EXOC6B: variants seen among roughly 807,000 people sequenced by gnomAD.
The protein encoded by EXOC6B is exocyst complex component 6B, also known as SEC15 homolog B.
Under a neutral mutation model 113.5 loss-of-function variants are expected in EXOC6B, and 54 were observed. The observed-to-expected ratio is 0.48, with a 90% CI of 0.38 to 0.60. The LOEUF is 0.60. EXOC6B is among the 20% of genes least tolerant of loss of function. The pLI is 0.00. For synonymous variants in EXOC6B, 357 were observed against 339.0 expected (o/e 1.05, Z -0.58); for missense variants, 797 against 977.5 (o/e 0.82, Z 2.46).
intron 16 of EXOC6B, 145 bp downstream of exon 16, chr2:72,492,173 C>A: frequency 7.0e-6 from 3 of 429,084 alleles, no homozygotes; most frequent in Non-Finnish European, 1.3e-5. Context: ...AAGAAAAGAA[C>A]AAGAGATTTC....
At chr2:72,715,485 T>A (rs1679555360) in intron 6 of EXOC6B, among the ~76,000 whole-genome samples, 2 of 148,082 alleles carry the variant, frequency 1.4e-5, no homozygotes, top group South Asian at 4.2e-4. Flanking sequence ...TATATAAAAA[T>A]AAAATATATA....
chr2:72,250,693 T>G (rs1427897165), intron 20 of EXOC6B, among the ~76,000 whole-genome samples: 4 of 152,098 alleles, frequency 2.6e-5, no homozygotes, highest in Non-Finnish European at 4.4e-5. Context: ...AAGCAATAAA[T>G]TTACTTGATT....
At chr2:72,254,705 T>C (rs537563163) in intron 20 of EXOC6B, among the ~76,000 whole-genome samples, 2 of 152,302 alleles carry the variant, frequency 1.3e-5, no homozygotes, top group Admixed American at 6.5e-5. Flanking sequence ...GGTAGGAATA[T>C]ACACAAACAT....
intron 6 of EXOC6B, among the ~76,000 whole-genome samples, chr2:72,603,302 T>C (rs983047338): frequency 4.6e-5 from 7 of 152,074 alleles, no homozygotes; most frequent in African/African-American, 9.7e-5. Context: ...TTTTAAAAGA[T>C]GGAAGTACCG....
intron 6 of EXOC6B, among the ~76,000 whole-genome samples, chr2:72,675,131 C>CT (rs1267147446): frequency 1.3e-5 from 2 of 152,182 alleles, no homozygotes; most frequent in African/African-American, 4.8e-5. Context: ...ACACCCAAAA[C>CT]AGTACACTCC....
chr2:72,405,999 T>C (rs1232586535), intron 18 of EXOC6B, among the ~76,000 whole-genome samples: 1 of 151,960 alleles, frequency 6.6e-6, no homozygotes, highest in Non-Finnish European at 1.5e-5. Flanking sequence ...AATAAAGGGA[T>C]GGAGGAAGAT....
At chr2:72,575,463 C>T in intron 7 of EXOC6B, 29 bp downstream of exon 7, 1 of 1,585,482 alleles carries the variant, frequency 6.3e-7, no homozygotes, top group South Asian at 1.2e-5. Flanking sequence ...TAAAAATAGT[C>T]TCACTTCCCA....
chr2:72,740,555 A>G (rs971460195), intron 2 of EXOC6B, among the ~76,000 whole-genome samples: 9 of 152,184 alleles, frequency 5.9e-5, no homozygotes, highest in Admixed American at 5.9e-4. Context: ...AATCAGCCAC[A>G]CCAGGAAATA....
intron 20 of EXOC6B, among the ~76,000 whole-genome samples, chr2:72,217,706 G>T (rs1457040954): frequency 6.6e-6 from 1 of 152,176 alleles, no homozygotes; most frequent in Non-Finnish European, 1.5e-5. Flanking sequence ...CATGAATATG[G>T]ATGACTGAGG....
intron 19 of EXOC6B, among the ~76,000 whole-genome samples, chr2:72,374,769 C>T (rs1232256047): frequency 6.7e-6 from 1 of 149,688 alleles, no homozygotes; most frequent in Non-Finnish European, 1.5e-5. Context: ...ACATTGCATG[C>T]CTGAATCAAA....
chr2:72,824,395 A>T (rs1249038858), intron 1 of EXOC6B, among the ~76,000 whole-genome samples: 1 of 152,152 alleles, frequency 6.6e-6, no homozygotes, highest in Admixed American at 6.5e-5. Context: ...CAATAAATGA[A>T]TATTAGGTTG....
intron 18 of EXOC6B, among the ~76,000 whole-genome samples, chr2:72,446,985 T>A (rs1043961437): frequency 6.6e-6 from 1 of 151,748 alleles, no homozygotes; most frequent in Non-Finnish European, 1.5e-5. Flanking sequence ...ATGTCTGTAA[T>A]CCCAGCTACT....
chr2:72,705,237 C>G (rs1008650356), intron 6 of EXOC6B, among the ~76,000 whole-genome samples: 1 of 152,150 alleles, frequency 6.6e-6, no homozygotes, highest in Non-Finnish European at 1.5e-5. Context: ...CCACAATTAT[C>G]TCAATAGATG....
intron 2 of EXOC6B, among the ~76,000 whole-genome samples, chr2:72,734,048 T>C (rs940518926): frequency 6.6e-6 from 1 of 152,138 alleles, no homozygotes; most frequent in African/African-American, 2.4e-5. Flanking sequence ...CACGATATGA[T>C]ATGCACTGTA....
intron 1 of EXOC6B, among the ~76,000 whole-genome samples, chr2:72,768,005 T>C: frequency 6.7e-6 from 1 of 148,946 alleles, no homozygotes. Context: ...TAATCCCAGC[T>C]ACTCGGAAGG....
chr2:72,800,154 T>C (rs1685200314), intron 1 of EXOC6B, among the ~76,000 whole-genome samples: 1 of 152,132 alleles, frequency 6.6e-6, no homozygotes, highest in East Asian at 1.9e-4. Context: ...TTTTAAAAAG[T>C]AAAATGCATA....
intron 1 of EXOC6B, among the ~76,000 whole-genome samples, chr2:72,754,777 C>T (rs1474250331): frequency 1.3e-5 from 2 of 151,578 alleles, no homozygotes; most frequent in Admixed American, 6.6e-5. Context: ...ACACAAGCAG[C>T]TAATTTTTTA....
At chr2:72,300,087 G>A (rs1686413539) in intron 20 of EXOC6B, among the ~76,000 whole-genome samples, 1 of 152,148 alleles carries the variant, frequency 6.6e-6, no homozygotes, top group Non-Finnish European at 1.5e-5. Flanking sequence ...GAGCCCTCAG[G>A]CAGGGATCTT....
intron 17 of EXOC6B, among the ~76,000 whole-genome samples, chr2:72,469,654 A>G (rs1480579384): frequency 6.6e-6 from 1 of 152,050 alleles, no homozygotes; most frequent in Non-Finnish European, 1.5e-5. Flanking sequence ...TGTTAGTATA[A>G]TTCCTATTTA....
Sources: allele counts gnomAD v4.1 joint callset (sites outside exome capture counted in the v4.1 genomes callset), GRCh38; gene constraint gnomAD v4.1.1; transcripts MANE v1.5; gene names NCBI Gene and HGNC (gene_info 2026-07-23, HGNC 2026-07-21).